Variants in LDB3 observed in about 807,000 individuals in gnomAD.
LDB3 encodes the protein LIM domain binding 3.
Under a neutral mutation model 69.0 loss-of-function variants are expected in LDB3, and 49 were observed. The observed-to-expected ratio is 0.71, with a 90% CI of 0.56 to 0.90. The LOEUF (loss-of-function observed/expected upper bound fraction) is 0.90, where lower values mean the gene tolerates loss of function less well. LDB3 is among the 40% of genes least tolerant of loss of function. The pLI is 0.00. For synonymous variants in LDB3, 387 were observed against 396.2 expected (o/e 0.98, Z 0.28); for missense variants, 928 against 974.1 (o/e 0.95, Z 0.63).
chr10:86,684,201 C>T (rs1440153251), intron 5 of LDB3, among the ~76,000 whole-genome samples: 1 of 152,250 alleles, frequency 6.6e-6, no homozygotes, highest in Non-Finnish European at 1.5e-5. Flanking sequence ...AAGGGCAGTG[C>T]CCCTCAGGCC....
Position 86,731,371 on chromosome 10 carries a change from C to T in LDB3, c.2095-1516C>T, listed in dbSNP as rs186612776. Among the ~76,000 whole-genome samples the T allele has an allele frequency of 1.2e-3, 179 of 151,364 alleles. 1 individual carries two copies. Among genetic ancestry groups the T allele is most frequent in the African/African-American group, 4.2e-3 (173 of 41,272 alleles). On this transcript the variant is annotated intron_variant, in intron 13 of 13. Coordinates refer to ENST00000361373, the MANE Select transcript of LDB3 (RefSeq NM_007078.3). Reference sequence around the variant, plus strand: ...TCCTGAGTAGCTGGGATTACCAGTGCGCACCACCACACCCGGCTAATTTTT... The same window carrying T: ...TCCTGAGTAGCTGGGATTACCAGTGTGCACCACCACACCCGGCTAATTTTT...
Position 86,717,038 on chromosome 10 carries a change from C to T in LDB3, c.1676+267C>T, listed in dbSNP as rs184741262. ...AGCAGGATGCCTGGTGCCAGGAACT[C>T]CCCCTTGGGCTAAGGTTGAGGTCTG... On this transcript the variant is annotated intron_variant, in intron 10 of 13. Transcript: ENST00000361373. Among the ~76,000 whole-genome samples the T allele has an allele frequency of 4.8e-3, 725 of 152,302 alleles. 8 individuals are homozygous for T. Among genetic ancestry groups the T allele is most frequent in the African/African-American group, 0.017 (707 of 41,556 alleles).
chr10:86,731,927 A>G (rs761286498), intron 13 of LDB3, among the ~76,000 whole-genome samples: 6 of 150,654 alleles, frequency 4.0e-5, no homozygotes, highest in Non-Finnish European at 5.9e-5. Flanking sequence ...TTGTCTTGCT[A>G]GATTAATATG....
rs556787635 is a variant in LDB3 at position 86,732,955 on chromosome 10, C to A, written c.2163C>A (p.His721Gln). The change falls in exon 14 of 14, where the codon CAC (histidine) becomes CAA (glutamine). Residue 721 changes from histidine to glutamine, a missense_variant. Coordinates refer to ENST00000361373, the MANE Select transcript of LDB3 (RefSeq NM_007078.3). The part of the protein sequence containing the change: ...SKKDRPLCKK[H>Q]AHTINL The stretch of plus-strand genomic sequence containing the variant: ...AGGACAGACCCCTGTGCAAGAAGCA[C>A]GCACACACCATCAACTTGTAGGCGG... The A allele has an allele frequency of 6.2e-7, 1 of 1,613,772 alleles. No individual in the cohort carries two copies. The highest frequency in any genetic ancestry group is 1.7e-5 in the Admixed American group (1 of 59,994).
intron 2 of LDB3, among the ~76,000 whole-genome samples, chr10:86,675,532 C>G (rs753967273): frequency 1.8e-4 from 27 of 152,264 alleles, no homozygotes; most frequent in Non-Finnish European, 2.9e-4. Flanking sequence ...GACCCCTTCT[C>G]TGTAGATGGG....
At chr10:86,713,457 C>T (rs1846746991) in intron 9 of LDB3, among the ~76,000 whole-genome samples, 1 of 152,152 alleles carries the variant, frequency 6.6e-6, no homozygotes, top group African/African-American at 2.4e-5. Context: ...GTTGGCCAGG[C>T]TGATCTCGAA....
intron 2 of LDB3, among the ~76,000 whole-genome samples, chr10:86,674,008 C>A (rs536356218): frequency 6.6e-6 from 1 of 152,320 alleles, no homozygotes; most frequent in South Asian, 2.1e-4. Context: ...CTCCCCCCAA[C>A]ACCCAGGCCC....
chr10:86,694,371 A>G (rs1845910917), intron 7 of LDB3, among the ~76,000 whole-genome samples: 3 of 152,162 alleles, frequency 2.0e-5, no homozygotes, highest in Admixed American at 2.0e-4. Flanking sequence ...GTTCAGCCTC[A>G]GCAAAAGGCA....
chr10:86,695,415 G>T (rs893342929), intron 7 of LDB3, among the ~76,000 whole-genome samples: 5 of 152,180 alleles, frequency 3.3e-5, no homozygotes, highest in African/African-American at 1.2e-4. Flanking sequence ...TTCCATCTGA[G>T]GCTCCAGTGC....
intron 9 of LDB3, among the ~76,000 whole-genome samples, chr10:86,713,562 G>T (rs190330925): frequency 5.9e-4 from 90 of 152,206 alleles, no homozygotes; most frequent in African/African-American, 2.0e-3. Flanking sequence ...ATCTTTTTTA[G>T]CAGAGAATTG....
chr10:86,691,933 T>C lies in LDB3; in HGVS notation c.727T>C (p.Ser243Pro). The change falls in exon 6 of 14, where the codon TCT (serine) becomes CCT (proline). Residue 243 changes from serine (S) to proline (P), a missense_variant. Physicochemically the swap from Ser to Pro is moderately conservative, Grantham distance 74. Transcript: ENST00000361373. Reference protein sequence around the residue: ...PIKDLAVDSASPVYQAVIKSQ... With the variant: ...PIKDLAVDSAPPVYQAVIKSQ... ...TAAGGACCTTGCCGTAGACAGCGCC[T>C]CTCCCGTCTACCAGGCTGTGATTAA... 6.2e-7 allele frequency: 1 copy of C among 1,614,072 alleles called. No individual in the cohort carries two copies. The highest frequency in any genetic ancestry group is 8.5e-7 in the Non-Finnish European group (1 of 1,180,020).
At chr10:86,706,388 C>G in intron 7 of LDB3, 143 bp from the exon 8 acceptor site, 1 of 896,490 alleles carries the variant, frequency 1.1e-6, no homozygotes. Flanking sequence ...GACACACCCT[C>G]TGAGGATCCT....
chr10:86,681,870 G>A, intron 5 of LDB3, 67 bp downstream of exon 5: 1 of 1,484,860 alleles, frequency 6.7e-7, no homozygotes, highest in Non-Finnish European at 9.0e-7. Flanking sequence ...GCTCGGCAGA[G>A]ACCTGGTCAG....
Position 86,733,088 on chromosome 10 carries a change from A to G in LDB3, c.*112A>G. 1.3e-6 allele frequency: 1 copy of G among 772,332 alleles called. No homozygotes were observed. The highest frequency in any genetic ancestry group is 2.3e-6 in the Non-Finnish European group (1 of 441,008). The allele number at this position is 772,332 out of a possible 1,614,324, so 47.8% of individuals were successfully genotyped here. On this transcript the variant is annotated 3_prime_UTR_variant, in exon 14 of 14. Coordinates refer to ENST00000361373, the MANE Select transcript of LDB3 (RefSeq NM_007078.3). ...GGGGAATGGGGAGAGAGAGGAAGCG[A>G]CTGAGCCCTTTGGAAGTATAATTTT...
intron 9 of LDB3, among the ~76,000 whole-genome samples, chr10:86,712,722 A>C (rs1464959129): frequency 6.6e-6 from 1 of 152,220 alleles, no homozygotes; most frequent in African/African-American, 2.4e-5. Flanking sequence ...AAATAAAAGA[A>C]AGCAAGTTAA....
chr10:86,676,956 G>A (rs1232137271), intron 2 of LDB3, among the ~76,000 whole-genome samples: 1 of 152,264 alleles, frequency 6.6e-6, no homozygotes, highest in African/African-American at 2.4e-5. Flanking sequence ...TTCTAGGATG[G>A]TTCTCGGGCC....
intron 13 of LDB3, among the ~76,000 whole-genome samples, chr10:86,729,307 A>C (rs1017197764): frequency 6.6e-6 from 1 of 152,182 alleles, no homozygotes; most frequent in African/African-American, 2.4e-5. Flanking sequence ...TGAGAAGTGC[A>C]CTGTGGGTCA....
At chr10:86,697,639 C>T (rs1411895740) in intron 7 of LDB3, among the ~76,000 whole-genome samples, 10 of 149,810 alleles carry the variant, frequency 6.7e-5, no homozygotes, top group Non-Finnish European at 1.0e-4. Flanking sequence ...CTGCAACCTC[C>T]GCCTCCCGGG....
Position 86,709,923 on chromosome 10 carries a change from C to T in LDB3, c.1104C>T (p.Tyr368=). 1.2e-6 allele frequency: 2 copies of T among 1,611,576 alleles called. No individual in the cohort carries two copies. The highest frequency in any genetic ancestry group is 1.1e-5 in the South Asian group (1 of 91,080). Residue 368 remains tyrosine (Y), a synonymous_variant, in exon 9 of 14, where the codon TAC becomes TAT. Transcript: ENST00000361373. ...GTTCCAGGCCCCAGGCCTCTTCCTACAGCCCCGCAGTGGCCGCCTCTTCAG... is the reference window on the plus strand; with the variant it reads ...GTTCCAGGCCCCAGGCCTCTTCCTATAGCCCCGCAGTGGCCGCCTCTTCAG... The part of the protein sequence containing the change: ...ADSPRPQASS[Y]SPAVAASSAP...
Sources: allele counts gnomAD v4.1 joint callset (sites outside exome capture counted in the v4.1 genomes callset), GRCh38; gene constraint gnomAD v4.1.1; transcripts MANE v1.5; gene names NCBI Gene and HGNC (gene_info 2026-07-23, HGNC 2026-07-21).